Variants in C1QTNF3 observed in about 807,000 individuals in gnomAD.
C1QTNF3 encodes complement C1q tumor necrosis factor-related protein 3.
In C1QTNF3, 26 loss-of-function variants were observed where a neutral mutation model predicts 32.6. The observed-to-expected ratio is 0.80, with a 90% confidence interval of 0.58 to 1.11. C1QTNF3 has a LOEUF of 1.11. Ranked by LOEUF, C1QTNF3 falls within the 50% of genes least tolerant of loss-of-function variation. The pLI is 0.00. For missense variants in C1QTNF3, 362 were observed against 398.2 expected (o/e 0.91, Z 0.77); for synonymous variants, 155 against 146.0 (o/e 1.06, Z -0.44).
At chr5:34,143,546 A>G in the C1QTNF3 span, among the ~76,000 whole-genome samples, 7 of 152,212 alleles carry the variant, frequency 4.6e-5, no homozygotes, top group Non-Finnish European at 1.0e-4. Flanking sequence ...CAGGTCATAT[A>G]TATTATATAC....
the C1QTNF3 span, among the ~76,000 whole-genome samples, chr5:34,144,476 A>G: frequency 6.6e-6 from 1 of 152,220 alleles, no homozygotes; most frequent in African/African-American, 2.4e-5. Context: ...CACAGAATAT[A>G]CATTCTTCTG....
the C1QTNF3 span, among the ~76,000 whole-genome samples, chr5:34,136,153 TC>T: frequency 6.6e-6 from 1 of 152,010 alleles, no homozygotes; most frequent in Non-Finnish European, 1.5e-5. Flanking sequence ...ACAAATGGGA[TC>T]TAATTAAACT....
the C1QTNF3 span, among the ~76,000 whole-genome samples, chr5:34,236,563 CTTTTTTCTTTT>C: frequency 6.6e-5 from 3 of 45,308 alleles, no homozygotes; most frequent in Non-Finnish European, 1.9e-4. Flanking sequence ...TTTCTTTTTT[CTTTTTTCTTTT>C]TTTTTTTTTT....
the C1QTNF3 span, among the ~76,000 whole-genome samples, chr5:34,058,684 G>C: frequency 1.3e-3 from 204 of 152,272 alleles, 3 homozygotes; most frequent in South Asian, 0.016. Flanking sequence ...CCTTTCTCTA[G>C]GAGTGGGTCA....
chr5:34,084,683 C>T, the C1QTNF3 span, among the ~76,000 whole-genome samples: 52 of 149,864 alleles, frequency 3.5e-4, 3 homozygotes, highest in African/African-American at 1.3e-3. Context: ...GTATTTTTTT[C>T]TTGTAAAATT....
the C1QTNF3 span, among the ~76,000 whole-genome samples, chr5:34,056,359 T>C: frequency 6.7e-6 from 1 of 150,354 alleles, no homozygotes; most frequent in Admixed American, 6.6e-5. Flanking sequence ...TTTGACATCA[T>C]TTTGTCTCTA....
chr5:34,077,099 T>C, the C1QTNF3 span, among the ~76,000 whole-genome samples: 6 of 151,800 alleles, frequency 4.0e-5, no homozygotes, highest in African/African-American at 1.5e-4. Context: ...TCTCTCAAAA[T>C]GCATGGCTCT....
chr5:34,231,086 C>A, the C1QTNF3 span, among the ~76,000 whole-genome samples: 1 of 152,170 alleles, frequency 6.6e-6, no homozygotes, highest in African/African-American at 2.4e-5. Flanking sequence ...TCCTCTCACT[C>A]TTCCCTGCTG....
chr5:34,153,853 T>TAAAAAAAAAAAA, the C1QTNF3 span, among the ~76,000 whole-genome samples: 5 of 32,936 alleles, frequency 1.5e-4, no homozygotes, highest in East Asian at 6.3e-4. Context: ...ACTTAGAGTA[T>TAAAAAAAAAAAA]AAAAAAAAAA....
At chr5:34,223,017 T>C in the C1QTNF3 span, among the ~76,000 whole-genome samples, 1 of 151,956 alleles carries the variant, frequency 6.6e-6, no homozygotes, top group Non-Finnish European at 1.5e-5. Flanking sequence ...TTTTAAAAAA[T>C]GTTATTTTCT....
chr5:34,201,068 T>C, the C1QTNF3 span: 1 of 152,138 alleles, frequency 6.6e-6, no homozygotes. Flanking sequence ...GTGGTGATGC[T>C]AAGCTCCGTA....
At chr5:34,210,348 C>T in the C1QTNF3 span, among the ~76,000 whole-genome samples, 1 of 152,028 alleles carries the variant, frequency 6.6e-6, no homozygotes, top group Non-Finnish European at 1.5e-5. Flanking sequence ...TGACTACTCT[C>T]TTTAGAAGGA....
chr5:34,173,872 TTAGTAAGAA>T, the C1QTNF3 span, among the ~76,000 whole-genome samples: 1 of 151,592 alleles, frequency 6.6e-6, no homozygotes, highest in Non-Finnish European at 1.5e-5. Context: ...CAGACATCCA[TTAGTAAGAA>T]TTAATTTCTA....
the C1QTNF3 span, among the ~76,000 whole-genome samples, chr5:34,194,995 G>A: frequency 6.6e-6 from 1 of 152,090 alleles, no homozygotes; most frequent in East Asian, 1.9e-4. Context: ...CCAATCCTTG[G>A]TTGGCTTAAC....
chr5:34,176,609 G>A, the C1QTNF3 span, among the ~76,000 whole-genome samples: 1 of 152,164 alleles, frequency 6.6e-6, no homozygotes, highest in African/African-American at 2.4e-5. Flanking sequence ...TAGGTCAGGT[G>A]TGCTGGCTCA....
the C1QTNF3 span, among the ~76,000 whole-genome samples, chr5:34,124,933 T>G: frequency 2.0e-5 from 3 of 152,132 alleles, no homozygotes; most frequent in Non-Finnish European, 4.4e-5. Flanking sequence ...TACGCCACTC[T>G]CAGGTTGGCC....
At chr5:34,145,003 C>A in the C1QTNF3 span, among the ~76,000 whole-genome samples, 1 of 152,116 alleles carries the variant, frequency 6.6e-6, no homozygotes, top group African/African-American at 2.4e-5. Flanking sequence ...GTGGTGCGTG[C>A]CTGTAATCCA....
the C1QTNF3 span, among the ~76,000 whole-genome samples, chr5:34,145,467 A>G: frequency 3.9e-5 from 6 of 152,080 alleles, no homozygotes; most frequent in Non-Finnish European, 7.4e-5. Flanking sequence ...ATAGACCAAT[A>G]TCAAGTTCTG....
At chr5:34,080,161 C>T in the C1QTNF3 span, among the ~76,000 whole-genome samples, 1 of 151,582 alleles carries the variant, frequency 6.6e-6, no homozygotes, top group Admixed American at 6.6e-5. Context: ...TTTTAAAATG[C>T]TACTTTCATT....
Sources: allele counts gnomAD v4.1 joint callset (sites outside exome capture counted in the v4.1 genomes callset), GRCh38; gene constraint gnomAD v4.1.1; transcripts MANE v1.5; gene names NCBI Gene and HGNC (gene_info 2026-07-23, HGNC 2026-07-21).